ZFHX3: variants seen among roughly 807,000 people sequenced by gnomAD.
ZFHX3 encodes the protein zinc finger homeobox protein 3.
In ZFHX3, 42 loss-of-function variants were observed where a neutral mutation model predicts 279.1. The ratio of observed to expected loss-of-function variants is 0.15; its 90% CI spans 0.12 to 0.19. The LOEUF is 0.19. Among genes scored for constraint, ZFHX3 ranks in the 10% least tolerant of loss-of-function variants. The probability of loss-of-function intolerance (pLI) is 1.00; values close to 1 mark genes in which losing one functional copy is unlikely to be tolerated. For synonymous variants in ZFHX3, 2,293 were observed against 1,957.8 expected (o/e 1.17, Z -4.52); for missense variants, 4,981 against 4,754.0 (o/e 1.05, Z -1.40).
At chr16:73,838,186 C>T (rs1961194800) in intron 1 of ZFHX3, among the ~76,000 whole-genome samples, 1 of 152,178 alleles carries the variant, frequency 6.6e-6, no homozygotes, top group Non-Finnish European at 1.5e-5. Flanking sequence ...CCCAAATTGG[C>T]TCAGAAAGCC....
intron 3 of ZFHX3, among the ~76,000 whole-genome samples, chr16:72,904,907 C>A (rs973941904): frequency 6.6e-6 from 1 of 152,174 alleles, no homozygotes; most frequent in East Asian, 1.9e-4. Context: ...TCTTGGCTCA[C>A]TGCAACCTCC....
intron 5 of ZFHX3, among the ~76,000 whole-genome samples, chr16:73,212,704 G>A (rs369472151): frequency 5.9e-5 from 9 of 152,340 alleles, no homozygotes; most frequent in African/African-American, 2.2e-4. Context: ...CTCCACACAT[G>A]TGCTTGTCTA....
intron 2 of ZFHX3, among the ~76,000 whole-genome samples, chr16:73,490,146 A>T (rs2019035349): frequency 6.6e-6 from 1 of 152,232 alleles, no homozygotes; most frequent in Non-Finnish European, 1.5e-5. Flanking sequence ...AACTTAATGG[A>T]AATACTATCA....
At chr16:73,665,394 A>T (rs1473662313) in intron 2 of ZFHX3, among the ~76,000 whole-genome samples, 1 of 151,682 alleles carries the variant, frequency 6.6e-6, no homozygotes, top group East Asian at 1.9e-4. Flanking sequence ...TTGTATTTTT[A>T]GTAGAGACGG....
At chr16:73,752,366 T>C (rs894174801) in intron 1 of ZFHX3, among the ~76,000 whole-genome samples, 6 of 152,088 alleles carry the variant, frequency 3.9e-5, no homozygotes, top group African/African-American at 1.4e-4. Flanking sequence ...TCTGAGGAAA[T>C]AAAAATGCAT....
intron 2 of ZFHX3, among the ~76,000 whole-genome samples, chr16:73,679,056 A>C (rs564261738): frequency 2.6e-5 from 4 of 152,288 alleles, no homozygotes; most frequent in Admixed American, 2.6e-4. Context: ...GGTATACTTA[A>C]TTTTAAAAAC....
intron 1 of ZFHX3, among the ~76,000 whole-genome samples, chr16:73,710,299 A>C (rs1204381577): frequency 6.6e-6 from 1 of 152,248 alleles, no homozygotes; most frequent in East Asian, 1.9e-4. Context: ...GTAAATGGTA[A>C]CGATCATGTG....
chr16:73,411,661 A>G (rs542533012), intron 3 of ZFHX3, among the ~76,000 whole-genome samples: 1 of 152,240 alleles, frequency 6.6e-6, no homozygotes, highest in African/African-American at 2.4e-5. Flanking sequence ...TATAAAATCC[A>G]GGAGATAGTA....
At chr16:73,506,460 C>A (rs1046669167) in intron 2 of ZFHX3, among the ~76,000 whole-genome samples, 2 of 152,152 alleles carry the variant, frequency 1.3e-5, no homozygotes, top group African/African-American at 4.8e-5. Flanking sequence ...TGAATAATCA[C>A]CTTCTTAGGT....
intron 4 of ZFHX3, among the ~76,000 whole-genome samples, chr16:72,845,266 C>G (rs1446259918): frequency 6.6e-6 from 1 of 152,152 alleles, no homozygotes. Context: ...CTGGAACCCC[C>G]TCCCCCTGCC....
At position 73,385,718 on chromosome 16, in the gene ZFHX3, G is replaced by GC. The variant is rs1242436239; in HGVS notation, c.-1290-67383dup. Among the ~76,000 whole-genome samples the GC allele has an allele frequency of 3.3e-5, 5 of 152,284 alleles. No individual in the cohort carries two copies. In the East Asian group the frequency reaches 9.7e-4, roughly 29 times the overall value. On this transcript the variant is annotated intron_variant, in intron 3 of 17. Transcript: ENST00000641206. Reference sequence around the variant, plus strand: ...GGTGGAGGACCAGCCTAATGCCAGTGCCCCCCACTGCTTACAGGCTGGGGT... The same window carrying GC: ...GGTGGAGGACCAGCCTAATGCCAGTGCCCCCCCACTGCTTACAGGCTGGGGT...
chr16:73,196,621 G>A (rs1402971762), intron 5 of ZFHX3, among the ~76,000 whole-genome samples: 1 of 152,090 alleles, frequency 6.6e-6, no homozygotes, highest in Non-Finnish European at 1.5e-5. Context: ...AGAGAATCTG[G>A]CTTTAGCAGA....
chr16:73,811,185 T>C lies in ZFHX3; in HGVS notation c.-1608+80466A>G, dbSNP rs9932575. On this transcript the variant is annotated intron_variant, in intron 1 of 17. Coordinates refer to the ZFHX3 transcript ENST00000641206. Reference sequence around the variant, plus strand: ...TTTGTTAATATTTTTGTATCTCTGTTGTGATGAAAACCAAGCTAGAATTTG... The same window carrying C: ...TTTGTTAATATTTTTGTATCTCTGTCGTGATGAAAACCAAGCTAGAATTTG... Among the ~76,000 whole-genome samples the C allele has an allele frequency of 9.4e-3, 1,427 of 152,308 alleles. 23 individuals are homozygous for C. Among genetic ancestry groups the C allele is most frequent in the African/African-American group, 0.031 (1,308 of 41,580 alleles).
intron 4 of ZFHX3, among the ~76,000 whole-genome samples, chr16:72,856,838 T>C (rs1174241618): frequency 6.6e-6 from 1 of 152,178 alleles, no homozygotes; most frequent in Non-Finnish European, 1.5e-5. Flanking sequence ...AAATGGATTG[T>C]GTCAAGTGAG....
chr16:73,645,754 G>T (rs1036442134), intron 2 of ZFHX3, among the ~76,000 whole-genome samples: 7 of 152,252 alleles, frequency 4.6e-5, no homozygotes, highest in East Asian at 1.9e-4. Context: ...AAGCCATTTG[G>T]TTTAATTTCC....
intron 2 of ZFHX3, among the ~76,000 whole-genome samples, chr16:73,469,943 G>A (rs1443216057): frequency 6.6e-6 from 1 of 152,126 alleles, no homozygotes; most frequent in African/African-American, 2.4e-5. Flanking sequence ...TTGGTCTGGG[G>A]TGAAGCTTGG....
At chr16:72,933,385 G>A (rs900836886) in intron 3 of ZFHX3, among the ~76,000 whole-genome samples, 10 of 152,174 alleles carry the variant, frequency 6.6e-5, no homozygotes, top group Non-Finnish European at 1.5e-4. Flanking sequence ...CTTCTACACA[G>A]TGGAGCCGAG....
At chr16:72,932,617 C>A (rs1311660143) in intron 3 of ZFHX3, among the ~76,000 whole-genome samples, 1 of 145,250 alleles carries the variant, frequency 6.9e-6, no homozygotes, top group African/African-American at 2.6e-5. Flanking sequence ...CGGTCATAAT[C>A]TCTCTTCAGG....
chr16:73,010,280 T>C (rs1375002291), intron 1 of ZFHX3, among the ~76,000 whole-genome samples: 1 of 152,148 alleles, frequency 6.6e-6, no homozygotes. Context: ...GCATCGCCCG[T>C]GTGCCAAATG....
Sources: allele counts gnomAD v4.1 joint callset (sites outside exome capture counted in the v4.1 genomes callset), GRCh38; gene constraint gnomAD v4.1.1; transcripts MANE v1.5; gene names NCBI Gene and HGNC (gene_info 2026-07-23, HGNC 2026-07-21).